Variants in B4GALT1 observed in about 807,000 individuals in gnomAD.
B4GALT1 encodes N-acetyllactosamine synthase.
In B4GALT1, 16 loss-of-function variants were observed where a neutral mutation model predicts 34.9. That is an observed-to-expected ratio of 0.46 (90% CI 0.31 to 0.70). The LOEUF (loss-of-function observed/expected upper bound fraction) is 0.70. B4GALT1 is among the 30% of genes least tolerant of loss of function. The pLI is 0.05. For missense variants in B4GALT1, 445 were observed against 530.5 expected, an observed-to-expected ratio of 0.84 and a Z score of 1.58; for synonymous variants, 221 against 218.1, an observed-to-expected ratio of 1.01 and a Z score of -0.12.
intron 1 of B4GALT1, among the ~76,000 whole-genome samples, chr9:33,135,911 A>ATGTGTGTGTG (rs34931533): frequency 1.8e-3 from 240 of 136,078 alleles, no homozygotes; most frequent in Middle Eastern, 3.7e-3. Context: ...GTGTGTGTGT[A>ATGTGTGTGTG]TGTGTGTGTG....
chr9:33,136,290 T>C (rs1022531256), intron 1 of B4GALT1, among the ~76,000 whole-genome samples: 1 of 151,840 alleles, frequency 6.6e-6, no homozygotes, highest in African/African-American at 2.4e-5. Flanking sequence ...GAGGTGCAGA[T>C]TGTGGATTGT....
rs1564033760 is a variant in B4GALT1 at position 33,111,276 on chromosome 9, A to AAAAAAAAAAAC, written c.*2177_*2178insGTTTTTTTTTT. 77 of 105,990 alleles carry AAAAAAAAAAAC rather than the reference A, an allele frequency of 7.3e-4. 1 individual carries two copies. Among genetic ancestry groups the AAAAAAAAAAAC allele is most frequent in the Non-Finnish European group, 1.3e-3 (64 of 49,200 alleles). 6.6% of individuals were successfully genotyped at this position (105,990 alleles called of 1,614,324 possible). A position where few individuals can be genotyped will look rare whatever the true frequency, so the allele number is the denominator to read the frequency against. On this transcript the variant is annotated 3_prime_UTR_variant, in exon 6 of 6. Transcript: ENST00000379731. ...AAAAAAAAAAAAAAAAAAAAAAAAA[A>AAAAAAAAAAAC]AACAACAAGAAAAGGTAGAGTTTGG...
At chr9:33,113,626 A>T in intron 5 of B4GALT1, 40 bp from the exon 6 acceptor site, 1 of 1,613,794 alleles carries the variant, frequency 6.2e-7, no homozygotes. Flanking sequence ...CTTAAAACAA[A>T]AATCTTAAGA....
chr9:33,163,481 C>A (rs138296840), intron 1 of B4GALT1, among the ~76,000 whole-genome samples: 1 of 152,184 alleles, frequency 6.6e-6, no homozygotes, highest in African/African-American at 2.4e-5. Context: ...CCCCTACCCC[C>A]CTGAGGGGAC....
At chr9:33,119,113 C>T (rs1286956734) in intron 3 of B4GALT1, among the ~76,000 whole-genome samples, 1 of 152,132 alleles carries the variant, frequency 6.6e-6, no homozygotes, top group African/African-American at 2.4e-5. Context: ...CTGCCCGCCT[C>T]GGCCTCCCAA....
chr9:33,118,506 T>G (rs1839973212), intron 3 of B4GALT1, among the ~76,000 whole-genome samples: 1 of 149,754 alleles, frequency 6.7e-6, no homozygotes, highest in African/African-American at 2.4e-5. Flanking sequence ...AAAAAAAAAT[T>G]TTTTTTTTTT....
chr9:33,113,610 G>A (rs1839896393), intron 5 of B4GALT1, 24 bp from the exon 6 acceptor site: 1 of 1,614,024 alleles, frequency 6.2e-7, no homozygotes, highest in Admixed American at 1.7e-5. Context: ...AGCACAAGGA[G>A]ATTGTCTTAA....
intron 3 of B4GALT1, among the ~76,000 whole-genome samples, chr9:33,117,521 G>C (rs1256539457): frequency 6.6e-6 from 1 of 152,124 alleles, no homozygotes; most frequent in Non-Finnish European, 1.5e-5. Flanking sequence ...GTGTGACTCT[G>C]AGTGCAGCTC....
rs982052654 is a variant in B4GALT1, at chr9:33,116,099, T to A, written c.851A>T (p.Gln284Leu). The change falls in exon 4 of 6, where the codon CAG becomes CTG. Residue 284 changes from glutamine to leucine, a missense_variant. Physicochemically the swap from Gln to Leu is moderately radical, Grantham distance 113 (BLOSUM62 -2). Transcript: ENST00000379731. ...TAGAGCAGAGACACCTCCAAAATAC[T>A]GAACATAAGGTAGGCTGGAGGAAAA... is the stretch of plus-strand genomic sequence containing the variant. ...DKFGFSLPYV[Q>L]YFGGVSALSK... is the part of the protein sequence containing the mutation. The A allele has an allele frequency of 3.1e-6, 5 of 1,613,284 alleles. No individual in the cohort carries two copies. In the African/African-American group the frequency reaches 6.7e-5, roughly 22 times the overall value.
chr9:33,184,060 C>T, the B4GALT1 span, among the ~76,000 whole-genome samples: 1 of 151,934 alleles, frequency 6.6e-6, no homozygotes, highest in Non-Finnish European at 1.5e-5. Flanking sequence ...TAGAGAAATA[C>T]CTAATGTAGG....
intron 1 of B4GALT1, among the ~76,000 whole-genome samples, chr9:33,137,328 C>A (rs141165772): frequency 1.3e-5 from 2 of 152,376 alleles, no homozygotes; most frequent in Non-Finnish European, 2.9e-5. Context: ...AGGCCTCAAT[C>A]AAGCTTGATC....
chr9:33,150,233 T>TACACACACAC lies in B4GALT1; in HGVS notation c.413-14819_413-14810dup, dbSNP rs10701535. 9.9e-3 allele frequency among the ~76,000 whole-genome samples: 1,370 copies of TACACACACAC among 138,136 alleles called. 10 individuals carry two copies. Among genetic ancestry groups the TACACACACAC allele is most frequent in the Non-Finnish European group, 0.014 (892 of 65,144 alleles). The allele number at this position is 138,136 out of a possible 152,430, so 90.6% of individuals were successfully genotyped here. A position where few individuals can be genotyped will look rare whatever the true frequency, so the allele number is the denominator to read the frequency against. Reference sequence around the variant, plus strand: ...TAATATCTATCTATCTACAGGTAGATACACACACACACACACACACACACA... The same window carrying TACACACACAC: ...TAATATCTATCTATCTACAGGTAGATACACACACACACACACACACACACACACACACACA... On this transcript the variant is annotated intron_variant, in intron 1 of 5. Coordinates refer to ENST00000379731, the MANE Select transcript of B4GALT1 (RefSeq NM_001497.4).
chr9:33,143,182 CT>C (rs1301618208), intron 1 of B4GALT1, among the ~76,000 whole-genome samples: 1 of 152,058 alleles, frequency 6.6e-6, no homozygotes, highest in Admixed American at 6.6e-5. Flanking sequence ...TTAAAGGAGA[CT>C]GCCAGACAAG....
chr9:33,165,560 A>G (rs1325060687), intron 1 of B4GALT1, among the ~76,000 whole-genome samples: 1 of 152,266 alleles, frequency 6.6e-6, no homozygotes, highest in African/African-American at 2.4e-5. Flanking sequence ...CAAACTTGAT[A>G]TGAACACATT....
intron 4 of B4GALT1, among the ~76,000 whole-genome samples, chr9:33,114,374 C>T (rs1482133792): frequency 1.3e-5 from 2 of 152,142 alleles, no homozygotes; most frequent in Non-Finnish European, 2.9e-5. Context: ...CAGGGAGCAA[C>T]GTAAGCTCCT....
At chr9:33,146,829 G>A (rs1031584314) in intron 1 of B4GALT1, among the ~76,000 whole-genome samples, 3 of 152,034 alleles carry the variant, frequency 2.0e-5, no homozygotes, top group South Asian at 2.1e-4. Context: ...GAGTACCTGG[G>A]AATATAGGTG....
chr9:33,135,911 A>ATG (rs34931533), intron 1 of B4GALT1, among the ~76,000 whole-genome samples: 1,929 of 136,064 alleles, frequency 0.014, 24 homozygotes, highest in Non-Finnish European at 0.019. Flanking sequence ...GTGTGTGTGT[A>ATG]TGTGTGTGTG....
chr9:33,167,014 T>C lies in B4GALT1; in HGVS notation c.156A>G (p.Gln52=), dbSNP rs1211188785. 1.9e-6 allele frequency: 3 copies of C among 1,597,770 alleles called. No individual in the cohort carries two copies. In the Admixed American group the frequency reaches 5.1e-5, roughly 27 times the overall value. Residue 52 remains glutamine, a synonymous_variant, in exon 1 of 6, where the codon CAA becomes CAG. Transcript: ENST00000379731. The part of the protein sequence containing the change: ...LAGRDLSRLP[Q]LVGVSTPLQG... ...GCAGCGGTGTGGAGACTCCGACCAG[T>C]TGGGGCAGGCGGCTCAGGTCGCGGC...
Position 33,120,480 on chromosome 9 carries a change from C to T in B4GALT1, c.775G>A (p.Ala259Thr). ...CGTGGCTGTGAAAAACACCTGTACGCATTATGGTCATTCATTGGAATGAGG... is the reference window on the plus strand; with the variant it reads ...CGTGGCTGTGAAAAACACCTGTACGTATTATGGTCATTCATTGGAATGAGG... ...VDLIPMNDHN[A>T]YRCFSQPRHI... is the part of the protein sequence containing the mutation. Residue 259 changes from alanine to threonine, a missense_variant, in exon 3 of 6, where the codon GCG becomes ACG. This residue lies in a region of B4GALT1 where 349 missense variants were observed against 395.5 expected (regional missense o/e 0.88). Coordinates refer to ENST00000379731, the MANE Select transcript of B4GALT1 (RefSeq NM_001497.4). 2.5e-6 allele frequency: 4 copies of T among 1,614,120 alleles called. No individual in the cohort carries two copies. Among genetic ancestry groups the T allele is most frequent in the Non-Finnish European group, 3.4e-6 (4 of 1,180,034 alleles).
Sources: allele counts gnomAD v4.1 joint callset (sites outside exome capture counted in the v4.1 genomes callset), GRCh38; gene constraint gnomAD v4.1.1; regional missense constraint gnomAD v4.1.1; transcripts MANE v1.5; gene names NCBI Gene and HGNC (gene_info 2026-07-23, HGNC 2026-07-21).